NPAS3: variants seen among roughly 807,000 people sequenced by gnomAD.
The protein encoded by NPAS3 is neuronal PAS domain protein 3.
A neutral mutation model predicts 73.1 loss-of-function variants in NPAS3; 14 were observed. That is an observed-to-expected ratio of 0.19 (90% CI 0.13 to 0.30). NPAS3 has a LOEUF of 0.30. Ranked by LOEUF, NPAS3 falls within the 10% of genes least tolerant of loss-of-function variation. The pLI, the probability that NPAS3 is intolerant of heterozygous loss-of-function variation, is 1.00. For synonymous variants in NPAS3, 620 were observed against 541.5 expected (o/e 1.14, Z -2.01); for missense variants, 1,096 against 1,250.0 (o/e 0.88, Z 1.86).
chr14:33,098,127 G>A (rs1023513665), intron 2 of NPAS3, among the ~76,000 whole-genome samples: 1 of 152,096 alleles, frequency 6.6e-6, no homozygotes, highest in African/African-American at 2.4e-5. Flanking sequence ...CTTTAGATAT[G>A]CATTCCATCT....
At chr14:32,989,634 C>CG (rs2038242617) in intron 1 of NPAS3, among the ~76,000 whole-genome samples, 1 of 151,406 alleles carries the variant, frequency 6.6e-6, no homozygotes, top group Non-Finnish European at 1.5e-5. Context: ...GACAGCGAGA[C>CG]TCGGTCTCAA....
chr14:33,346,224 CA>C lies in NPAS3; in HGVS notation c.386-20947del, dbSNP rs3058294. ...TGGGCGACAGAGGGAGACTCCGTCT[CA>C]AAAAAAAAAAAAAAGTTGATTCCGG... On this transcript the variant is annotated intron_variant, in intron 3 of 11. Coordinates refer to ENST00000356141, the Ensembl canonical transcript of NPAS3. Among the ~76,000 whole-genome samples, 1,249 of 127,368 alleles carry C rather than the reference CA, an allele frequency of 9.8e-3. 23 individuals carry two copies. The highest frequency in any genetic ancestry group is 0.033 in the African/African-American group (1,122 of 34,502). The allele number at this position is 127,368 out of a possible 152,430, so 83.6% of individuals were successfully genotyped here. A position where few individuals can be genotyped will look rare whatever the true frequency, so the allele number is the denominator to read the frequency against.
At chr14:33,737,333 C>T (rs1595527682) in intron 7 of NPAS3, among the ~76,000 whole-genome samples, 1 of 152,108 alleles carries the variant, frequency 6.6e-6, no homozygotes, top group Admixed American at 6.5e-5. Flanking sequence ...GCAACTTGGG[C>T]TTAGGATTAA....
chr14:33,150,837 A>G (rs1365014385), intron 2 of NPAS3, among the ~76,000 whole-genome samples: 1 of 151,326 alleles, frequency 6.6e-6, no homozygotes, highest in Non-Finnish European at 1.5e-5. Context: ...TTATGAAGTC[A>G]TTTTGCCACA....
At chr14:33,577,949 C>T (rs2056507717) in intron 5 of NPAS3, among the ~76,000 whole-genome samples, 1 of 152,212 alleles carries the variant, frequency 6.6e-6, no homozygotes, top group South Asian at 2.1e-4. Flanking sequence ...AAAAAGGAGT[C>T]TTAGTGGCCA....
chr14:33,362,151 G>T (rs146380498), intron 3 of NPAS3, among the ~76,000 whole-genome samples: 17 of 152,202 alleles, frequency 1.1e-4, no homozygotes, highest in Non-Finnish European at 2.5e-4. Context: ...GGTTAAGCTG[G>T]TACCCAGTGC....
At chr14:32,961,872 A>G (rs1490029760) in intron 1 of NPAS3, among the ~76,000 whole-genome samples, 2 of 152,216 alleles carry the variant, frequency 1.3e-5, no homozygotes, top group Admixed American at 6.5e-5. Flanking sequence ...AATAAAACAT[A>G]AAAGAGTGAA....
At chr14:33,118,854 G>T (rs2043146761) in intron 2 of NPAS3, among the ~76,000 whole-genome samples, 1 of 151,712 alleles carries the variant, frequency 6.6e-6, no homozygotes, top group African/African-American at 2.4e-5. Context: ...GGGCAAGACA[G>T]CTCAGCAAAC....
At chr14:33,578,193 G>T (rs1339739490) in intron 5 of NPAS3, 5 of 442,752 alleles carry the variant, frequency 1.1e-5, no homozygotes, top group African/African-American at 1.0e-4. Flanking sequence ...CAACACCTTT[G>T]TTTTTTTTTC....
chr14:33,535,516 G>C (rs868423879), intron 4 of NPAS3, among the ~76,000 whole-genome samples: 2 of 152,158 alleles, frequency 1.3e-5, no homozygotes, highest in Non-Finnish European at 2.9e-5. Context: ...AGAGAACACC[G>C]ACTATCTGCC....
intron 4 of NPAS3, among the ~76,000 whole-genome samples, chr14:33,525,819 G>A (rs1443615358): frequency 6.6e-6 from 1 of 152,124 alleles, no homozygotes; most frequent in Non-Finnish European, 1.5e-5. Flanking sequence ...TGGGAGGTAG[G>A]GTCTGATCAG....
chr14:33,365,575 T>G (rs757731784), intron 3 of NPAS3, among the ~76,000 whole-genome samples: 2 of 152,228 alleles, frequency 1.3e-5, no homozygotes, highest in Non-Finnish European at 2.9e-5. Flanking sequence ...AGTAGAGATC[T>G]CTAAGATCCC....
At chr14:33,783,600 T>TGGGGGGGGG (rs1174867733) in intron 9 of NPAS3, among the ~76,000 whole-genome samples, 1 of 33,946 alleles carries the variant, frequency 2.9e-5, no homozygotes, top group Non-Finnish European at 6.0e-5. Flanking sequence ...GGGGGTGGTG[T>TGGGGGGGGG]GGGGGGGCGG....
intron 3 of NPAS3, among the ~76,000 whole-genome samples, chr14:33,297,300 A>G (rs76207561): frequency 0.037 from 5,682 of 152,236 alleles, 219 homozygotes; most frequent in South Asian, 0.14. Flanking sequence ...CTTAATATAT[A>G]CAAAACATTT....
At chr14:33,775,634 G>A (rs1224755940) in intron 8 of NPAS3, among the ~76,000 whole-genome samples, 1 of 152,148 alleles carries the variant, frequency 6.6e-6, no homozygotes, top group East Asian at 1.9e-4. Flanking sequence ...AGCTATGAGT[G>A]TTCAATAGGG....
chr14:33,397,926 T>G (rs1566866246), intron 4 of NPAS3, among the ~76,000 whole-genome samples: 2 of 152,162 alleles, frequency 1.3e-5, no homozygotes, highest in Non-Finnish European at 2.9e-5. Flanking sequence ...TCTGGTTATT[T>G]AACTGAATTC....
At chr14:33,493,075 G>A (rs547839389) in intron 4 of NPAS3, among the ~76,000 whole-genome samples, 25 of 152,238 alleles carry the variant, frequency 1.6e-4, no homozygotes, top group African/African-American at 4.1e-4. Flanking sequence ...TTCTCACTGC[G>A]TGAGCTTTGT....
At chr14:32,946,108 G>T (rs1030227763) in intron 1 of NPAS3, among the ~76,000 whole-genome samples, 1 of 152,040 alleles carries the variant, frequency 6.6e-6, no homozygotes, top group Non-Finnish European at 1.5e-5. Flanking sequence ...TGTATTTCTG[G>T]ACATTGTCTT....
intron 4 of NPAS3, among the ~76,000 whole-genome samples, chr14:33,461,004 G>A (rs7159209): frequency 0.34 from 51,094 of 151,978 alleles, 8,765 homozygotes; most frequent in Middle Eastern, 0.44. Flanking sequence ...TTTTTGAACT[G>A]CTCACCATAT....
Sources: gnomAD v4.1 joint callset for allele counts (sites outside exome capture counted in the v4.1 genomes callset) on GRCh38, gnomAD v4.1.1 for gene constraint, MANE v1.5 for transcripts, NCBI Gene and HGNC (gene_info 2026-07-23, HGNC 2026-07-21) for gene names.